Variants in FMN1 observed in about 807,000 individuals in gnomAD.
FMN1 encodes formin 1.
FMN1 carries 110 observed loss-of-function variants against 132.4 expected under a neutral mutation model. The observed-to-expected ratio is 0.83, with a 90% CI of 0.71 to 0.97. The LOEUF is 0.97. FMN1 is among the 50% of genes least tolerant of loss of function. The pLI, the probability that FMN1 is intolerant of heterozygous loss-of-function variation, is 0.00. For missense variants in FMN1, 1,792 were observed against 1,705.3 expected (o/e 1.05, Z -0.90); for synonymous variants, 722 against 651.7 (o/e 1.11, Z -1.64).
intron 6 of FMN1, among the ~76,000 whole-genome samples, chr15:33,015,412 G>C (rs1414096820): frequency 6.6e-6 from 1 of 152,154 alleles, no homozygotes; most frequent in Non-Finnish European, 1.5e-5. Flanking sequence ...TGATTCGTCT[G>C]TCTTTTCTAA....
intron 7 of FMN1, among the ~76,000 whole-genome samples, chr15:32,989,529 T>C (rs1305609271): frequency 2.6e-5 from 4 of 152,088 alleles, no homozygotes. Flanking sequence ...CCACCCTTTG[T>C]AGTCAAGTGC....
chr15:33,055,581 C>CA (rs2037178764), intron 6 of FMN1, among the ~76,000 whole-genome samples: 1 of 148,616 alleles, frequency 6.7e-6, no homozygotes, highest in African/African-American at 2.5e-5. Flanking sequence ...GACAGAAAAA[C>CA]AAATTTGACT....
intron 3 of FMN1, among the ~76,000 whole-genome samples, chr15:33,172,326 T>C (rs189457360): frequency 6.6e-6 from 1 of 152,342 alleles, no homozygotes; most frequent in Admixed American, 6.5e-5. Context: ...TGGGTGGACT[T>C]TTGTTTCAAT....
intron 17 of FMN1, among the ~76,000 whole-genome samples, chr15:32,807,170 T>A (rs937411323): frequency 2.0e-5 from 3 of 152,236 alleles, no homozygotes; most frequent in African/African-American, 7.2e-5. Flanking sequence ...GAACATAAGC[T>A]AAAGAAGATT....
intron 6 of FMN1, chr15:33,012,520 A>C (rs890584265): frequency 2.0e-5 from 30 of 1,510,922 alleles, no homozygotes; most frequent in Non-Finnish European, 2.5e-5. Flanking sequence ...AGTGATTGAA[A>C]TCATGACTGA....
At chr15:33,043,707 G>T (rs2036547164) in intron 6 of FMN1, among the ~76,000 whole-genome samples, 1 of 152,234 alleles carries the variant, frequency 6.6e-6, no homozygotes, top group African/African-American at 2.4e-5. Flanking sequence ...CCATGATGCT[G>T]GCTGCAGTTG....
intron 7 of FMN1, among the ~76,000 whole-genome samples, chr15:32,974,810 C>T (rs1304043240): frequency 6.6e-6 from 1 of 152,196 alleles, no homozygotes; most frequent in African/African-American, 2.4e-5. Flanking sequence ...TAGGTCATTT[C>T]AGAATCTCCA....
intron 15 of FMN1, among the ~76,000 whole-genome samples, chr15:32,891,537 A>G (rs1191925324): frequency 6.6e-6 from 1 of 152,048 alleles, no homozygotes; most frequent in Admixed American, 6.5e-5. Flanking sequence ...TCCAGCCTAG[A>G]GTTGTTTTTT....
At chr15:32,863,640 T>C (rs946458998) in intron 16 of FMN1, among the ~76,000 whole-genome samples, 1 of 152,194 alleles carries the variant, frequency 6.6e-6, no homozygotes, top group Non-Finnish European at 1.5e-5. Context: ...AATTATTGTT[T>C]CTAGTAACTT....
At chr15:33,061,847 T>A (rs2037498704) in intron 6 of FMN1, among the ~76,000 whole-genome samples, 1 of 152,096 alleles carries the variant, frequency 6.6e-6, no homozygotes, top group African/African-American at 2.4e-5. Context: ...TCTCTACCTC[T>A]GACTGTATAC....
At chr15:32,895,097 T>C (rs1400833145) in intron 15 of FMN1, among the ~76,000 whole-genome samples, 2 of 152,144 alleles carry the variant, frequency 1.3e-5, no homozygotes, top group African/African-American at 4.8e-5. Flanking sequence ...TATAAGTAAA[T>C]AGTCATTAAA....
intron 2 of FMN1, among the ~76,000 whole-genome samples, chr15:33,193,593 C>A (rs1423948426): frequency 6.6e-6 from 1 of 152,132 alleles, no homozygotes; most frequent in Admixed American, 6.5e-5. Flanking sequence ...TGGGTCTGGA[C>A]ATTCACCTCT....
intron 7 of FMN1, among the ~76,000 whole-genome samples, chr15:32,991,593 T>C (rs567850660): frequency 6.6e-6 from 1 of 152,306 alleles, no homozygotes; most frequent in African/African-American, 2.4e-5. Context: ...CTGGTCAAGA[T>C]GCAGGCAGTA....
intron 17 of FMN1, among the ~76,000 whole-genome samples, chr15:32,809,436 C>T (rs548798906): frequency 1.3e-5 from 2 of 152,276 alleles, no homozygotes; most frequent in Non-Finnish European, 2.9e-5. Context: ...CCTCTGAAGA[C>T]AAAGTGCATT....
chr15:32,988,630 C>T (rs1283087222), intron 7 of FMN1, among the ~76,000 whole-genome samples: 5 of 152,190 alleles, frequency 3.3e-5, no homozygotes, highest in Non-Finnish European at 5.9e-5. Flanking sequence ...AGTCATGGTG[C>T]TTCTATCAGT....
chr15:32,841,871 T>G (rs1425639144), intron 17 of FMN1, among the ~76,000 whole-genome samples: 1 of 152,186 alleles, frequency 6.6e-6, no homozygotes, highest in Admixed American at 6.5e-5. Flanking sequence ...CAAGCACAAA[T>G]GGTCAGTTTT....
In FMN1 at chr15:32,770,377, C is replaced by T. The variant is rs1238524074; in HGVS notation, c.*3933G>A. The stretch of plus-strand genomic sequence containing the variant: ...GTAACTTTCAAGAAAGGAAGAGTAT[C>T]ATTAAAATGAAAATTTCTCTGTTGC... On this transcript the variant is annotated 3_prime_UTR_variant, in exon 21 of 21. Coordinates refer to ENST00000616417, the MANE Select transcript of FMN1 (RefSeq NM_001277313.2). 6.8e-6 allele frequency: 1 copy of T among 146,738 alleles called. No homozygotes were observed. Among genetic ancestry groups the T allele is most frequent in the African/African-American group, 2.5e-5 (1 of 40,248 alleles). The allele number at this position is 146,738 out of a possible 1,614,324, so 9.1% of individuals were successfully genotyped here. A position where few individuals can be genotyped will look rare whatever the true frequency, so the allele number is the denominator to read the frequency against.
chr15:33,157,734 G>A (rs1964730006), intron 3 of FMN1, among the ~76,000 whole-genome samples: 1 of 152,050 alleles, frequency 6.6e-6, no homozygotes, highest in Non-Finnish European at 1.5e-5. Context: ...GCTCACCCCT[G>A]TAATCCCAGC....
chr15:32,937,956 G>C (rs2061316705), intron 9 of FMN1, among the ~76,000 whole-genome samples: 1 of 152,202 alleles, frequency 6.6e-6, no homozygotes, highest in Non-Finnish European at 1.5e-5. Context: ...TACAACCCAA[G>C]ACTTTGATAT....
Sources: allele counts gnomAD v4.1 joint callset (sites outside exome capture counted in the v4.1 genomes callset), GRCh38; gene constraint gnomAD v4.1.1; transcripts MANE v1.5; gene names NCBI Gene and HGNC (gene_info 2026-07-23, HGNC 2026-07-21).